The following HIRA variants were observed in gnomAD, a reference collection of about 807,000 sequenced individuals.
HIRA encodes histone cell cycle regulator.
A neutral mutation model predicts 126.6 loss-of-function variants in HIRA; 13 were observed. The observed-to-expected ratio is 0.10, with a 90% confidence interval of 0.07 to 0.16. The LOEUF (loss-of-function observed/expected upper bound fraction) is 0.16, where lower values mean the gene tolerates loss of function less well. Among genes scored for constraint, HIRA ranks in the 10% least tolerant of loss-of-function variants. HIRA has a pLI of 1.00. For missense variants in HIRA, 834 were observed against 1,314.4 expected (o/e 0.63, Z 5.65); for synonymous variants, 511 against 520.0 (o/e 0.98, Z 0.24).
intron 8 of HIRA, 135 bp from the exon 9 acceptor site, chr22:19,392,349 T>A: frequency 1.8e-6 from 1 of 551,712 alleles, no homozygotes; most frequent in Admixed American, 2.9e-5. Flanking sequence ...CATTTCATCT[T>A]CCCGACCACC....
chr22:19,331,078 G>A lies in HIRA; in HGVS notation c.*362C>T, dbSNP rs1246462056. On this transcript the variant is annotated 3_prime_UTR_variant, in exon 25 of 25. Coordinates refer to ENST00000263208, the MANE Select transcript of HIRA (RefSeq NM_003325.4). Reference sequence around the variant, plus strand: ...ATTCTCTCTCACAAATGGCTCAATCGTCACTGCTGAAGCAGCATGGTGCCT... The same window carrying A: ...ATTCTCTCTCACAAATGGCTCAATCATCACTGCTGAAGCAGCATGGTGCCT... 1 of 1,140,446 alleles carries A rather than the reference G, an allele frequency of 8.8e-7. No individual in the cohort carries two copies. Among genetic ancestry groups the A allele is most frequent in the Non-Finnish European group, 1.1e-6 (1 of 889,608 alleles). The allele number at this position is 1,140,446 out of a possible 1,614,324, so 70.6% of individuals were successfully genotyped here. A position where few individuals can be genotyped will look rare whatever the true frequency, so the allele number is the denominator to read the frequency against.
At chr22:19,410,028 G>GGA (rs2089339771) in intron 2 of HIRA, among the ~76,000 whole-genome samples, 1 of 152,234 alleles carries the variant, frequency 6.6e-6, no homozygotes, top group Non-Finnish European at 1.5e-5. Flanking sequence ...TGCTGCCTGG[G>GGA]GAGGCCTGGT....
intron 24 of HIRA, among the ~76,000 whole-genome samples, chr22:19,339,344 T>C (rs1489237158): frequency 6.6e-6 from 1 of 151,934 alleles, no homozygotes; most frequent in Non-Finnish European, 1.5e-5. Flanking sequence ...CATCAAAAAG[T>C]ATGAAAGAGG....
At chr22:19,406,570 C>A (rs2089309705) in intron 4 of HIRA, among the ~76,000 whole-genome samples, 1 of 152,164 alleles carries the variant, frequency 6.6e-6, no homozygotes, top group African/African-American at 2.4e-5. Flanking sequence ...CACAAATCCA[C>A]AGAAAGAGTG....
At chr22:19,428,332 A>G (rs964476879) in intron 1 of HIRA, among the ~76,000 whole-genome samples, 2 of 152,180 alleles carry the variant, frequency 1.3e-5, no homozygotes, top group African/African-American at 4.8e-5. Context: ...AGTTGTATCA[A>G]CTTACTCTAA....
At chr22:19,423,528 T>C (rs904992061) in intron 1 of HIRA, among the ~76,000 whole-genome samples, 7 of 137,264 alleles carry the variant, frequency 5.1e-5, no homozygotes, top group African/African-American at 1.7e-4. Context: ...CACACACATA[T>C]TTTCAGCTCT....
At chr22:19,430,807 A>C (rs543011911) in intron 1 of HIRA, among the ~76,000 whole-genome samples, 3 of 152,190 alleles carry the variant, frequency 2.0e-5, no homozygotes, top group Non-Finnish European at 1.5e-5. Context: ...TGTGCTTTGG[A>C]GCCACTGCCA....
At position 19,331,565 on chromosome 22, in the gene HIRA, A is replaced by C; in HGVS notation, c.2938-9T>G. 1.3e-6 allele frequency: 2 copies of C among 1,581,634 alleles called. No homozygotes were observed. ...TCCCTCTTCCGCAGACCCTGTGGAC[A>C]CAGAGTGACAGCTGAGTGCAAGTGT... On this transcript the variant is annotated splice_polypyrimidine_tract_variant and intron_variant, in intron 24 of 24. Coordinates refer to ENST00000263208, the MANE Select transcript of HIRA (RefSeq NM_003325.4).
intron 7 of HIRA, 65 bp from the exon 8 acceptor site, chr22:19,394,574 G>A (rs920834299): frequency 5.3e-6 from 8 of 1,521,470 alleles, no homozygotes; most frequent in Non-Finnish European, 6.3e-6. Context: ...CTCTGGCCTC[G>A]AGGATAAAGT....
At chr22:19,424,700 C>T (rs1052908052) in intron 1 of HIRA, among the ~76,000 whole-genome samples, 2 of 152,168 alleles carry the variant, frequency 1.3e-5, no homozygotes, top group Non-Finnish European at 2.9e-5. Flanking sequence ...GTGTGACTCT[C>T]AACACATCTC....
intron 1 of HIRA, among the ~76,000 whole-genome samples, chr22:19,423,202 AC>A (rs2089461859): frequency 6.6e-6 from 1 of 151,624 alleles, no homozygotes; most frequent in Non-Finnish European, 1.5e-5. Flanking sequence ...TCCCACTTAA[AC>A]CCGTCTATCC....
At chr22:19,389,529 G>T (rs889710683) in intron 9 of HIRA, among the ~76,000 whole-genome samples, 1 of 152,160 alleles carries the variant, frequency 6.6e-6, no homozygotes, top group Non-Finnish European at 1.5e-5. Context: ...AGGAGAAGCT[G>T]TGTCTACCCT....
At chr22:19,354,578 C>T (rs1337646015) in intron 21 of HIRA, among the ~76,000 whole-genome samples, 1 of 152,238 alleles carries the variant, frequency 6.6e-6, no homozygotes, top group Admixed American at 6.5e-5. Flanking sequence ...TCTCTGGACC[C>T]TTCTCATCCT....
chr22:19,370,902 C>G (rs1176701406), intron 15 of HIRA, among the ~76,000 whole-genome samples: 1 of 152,104 alleles, frequency 6.6e-6, no homozygotes, highest in Non-Finnish European at 1.5e-5. Flanking sequence ...CTTGTGAGAC[C>G]CTGTGGACAT....
intron 9 of HIRA, among the ~76,000 whole-genome samples, chr22:19,390,620 A>AAAAAAAAAAAAAAAAAAAAAAAAT (rs2089170937): frequency 6.7e-6 from 1 of 148,854 alleles, no homozygotes; most frequent in Non-Finnish European, 1.5e-5. Flanking sequence ...AAAAAAAAAA[A>AAAAAAAAAAAAAAAAAAAAAAAAT]AAAAAAAGAA....
chr22:19,356,346 GCCTT>G, intron 19 of HIRA, 58 bp from the exon 20 acceptor site: 1 of 1,485,254 alleles, frequency 6.7e-7, no homozygotes, highest in East Asian at 2.3e-5. Context: ...ATCAGAGTGT[GCCTT>G]GGCTGCTCAG....
At chr22:19,334,670 C>T (rs1354827341) in intron 24 of HIRA, among the ~76,000 whole-genome samples, 2 of 151,894 alleles carry the variant, frequency 1.3e-5, no homozygotes, top group African/African-American at 2.4e-5. Context: ...GATCCACCTG[C>T]CTTGGCCTCC....
Position 19,361,243 on chromosome 22 carries a change from G to A in HIRA, c.2079C>T (p.Thr693=), listed in dbSNP as rs2088860693. Residue 693 remains threonine, a synonymous_variant, in exon 17 of 25, where the codon ACC becomes ACT. Coordinates refer to ENST00000263208, the MANE Select transcript of HIRA (RefSeq NM_003325.4). ...LPIPSPQRAF[T]LQVSSDPSMY... is the part of the protein sequence containing the mutation. ...GCAGGGTCCTAGAACTTACCTGGAG[G>A]GTGAATGCTCTCTGGGGGCTTGGAA... The A allele has an allele frequency of 1.9e-6, 3 of 1,613,658 alleles. No homozygotes were observed. The highest frequency in any genetic ancestry group is 8.5e-7 in the Non-Finnish European group (1 of 1,179,622).
chr22:19,334,149 G>A (rs1209062259), intron 24 of HIRA, among the ~76,000 whole-genome samples: 1 of 151,284 alleles, frequency 6.6e-6, no homozygotes, highest in Non-Finnish European at 1.5e-5. Flanking sequence ...TAATTTTTTT[G>A]TATTTTTAGT....
Sources: gnomAD v4.1 joint callset for allele counts (sites outside exome capture counted in the v4.1 genomes callset) on GRCh38, gnomAD v4.1.1 for gene constraint, MANE v1.5 for transcripts, NCBI Gene and HGNC (gene_info 2026-07-23, HGNC 2026-07-21) for gene names.